The following SP140 variants were observed in gnomAD, a reference collection of about 807,000 sequenced individuals.
SP140 encodes nuclear body protein SP140.
In SP140, 81 loss-of-function variants were observed where a neutral mutation model predicts 125.0. The ratio of observed to expected loss-of-function variants is 0.65; its 90% CI spans 0.54 to 0.78. The LOEUF (loss-of-function observed/expected upper bound fraction) is 0.78, where lower values mean the gene tolerates loss of function less well. Among genes scored for constraint, SP140 ranks in the 30% least tolerant of loss-of-function variants. The probability of loss-of-function intolerance (pLI) is 0.00; values close to 1 mark genes in which losing one functional copy is unlikely to be tolerated. For missense variants in SP140, 858 were observed against 1,037.0 expected, an observed-to-expected ratio of 0.83 and a Z score of 2.37; for synonymous variants, 312 against 354.0, an observed-to-expected ratio of 0.88 and a Z score of 1.33.
intron 5 of SP140, 119 bp downstream of exon 5, chr2:230,243,930 G>A: frequency 1.5e-6 from 1 of 677,172 alleles, no homozygotes; most frequent in Admixed American, 2.5e-5. Context: ...GATCCATTTT[G>A]TCCTTGGATC....
In SP140 at chr2:230,287,969, A is replaced by G. The variant is rs757725211; in HGVS notation, c.1720+3A>G. 1 of 1,608,792 alleles carries G rather than the reference A, an allele frequency of 6.2e-7. No individual in the cohort carries two copies. Among genetic ancestry groups the G allele is most frequent in the Non-Finnish European group, 8.5e-7 (1 of 1,177,764 alleles). ...ACAGAAAAGAGTCCGATCAAGAGGT[A>G]AAAAAGAAAACAGGAATGAACTTTC... On this transcript the variant is annotated splice_donor_region_variant and intron_variant, in intron 18 of 26. Coordinates refer to ENST00000392045, the MANE Select transcript of SP140 (RefSeq NM_007237.5).
At chr2:230,235,262 C>T (rs770323384) in intron 1 of SP140, among the ~76,000 whole-genome samples, 3 of 152,168 alleles carry the variant, frequency 2.0e-5, no homozygotes, top group Admixed American at 6.5e-5. Context: ...CTGCAGGACA[C>T]GCTGGATCCT....
At chr2:230,207,965 A>G in intron 1 of SP140, 2 of 1,216,828 alleles carry the variant, frequency 1.6e-6, no homozygotes, top group Non-Finnish European at 1.2e-6. Flanking sequence ...TCCAGCCTCC[A>G]GCTTCCTCTT....
chr2:230,247,208 T>C (rs556218292), intron 7 of SP140, among the ~76,000 whole-genome samples: 1 of 152,318 alleles, frequency 6.6e-6, no homozygotes, highest in East Asian at 1.9e-4. Context: ...AATACGTTCA[T>C]GAAGATATCT....
At chr2:230,301,751 G>A (rs1449676919) in intron 22 of SP140, among the ~76,000 whole-genome samples, 1 of 152,102 alleles carries the variant, frequency 6.6e-6, no homozygotes, top group Admixed American at 6.5e-5. Context: ...TCAGGCAACA[G>A]CTAGCATGAT....
intron 15 of SP140, among the ~76,000 whole-genome samples, chr2:230,273,889 C>T (rs541354967): frequency 7.2e-5 from 11 of 152,052 alleles, no homozygotes; most frequent in African/African-American, 1.7e-4. Flanking sequence ...TAAGTGGTAA[C>T]GAAATGATGA....
rs769994256 is a variant in SP140, at chr2:230,294,312, A to G, written c.2010A>G (p.Lys670=). ...LPDPPRIRYR[K]KKRILKSQNN... is the part of the protein sequence containing the mutation. ...ATCCTCCAAGAATACGTTACAGGAAAAAAAAGGTGATTATTACATAGCTTT... is the reference window on the plus strand; with the variant it reads ...ATCCTCCAAGAATACGTTACAGGAAGAAAAAGGTGATTATTACATAGCTTT... Residue 670 remains lysine (K), a synonymous_variant, in exon 21 of 27, where the codon AAA becomes AAG. Transcript: ENST00000392045. 2.5e-6 allele frequency: 4 copies of G among 1,610,638 alleles called. No homozygotes were observed. The Admixed American group carries it at 6.7e-5, about 27-fold the overall frequency.
chr2:230,195,553 C>T, the SP140 span, among the ~76,000 whole-genome samples: 2 of 152,126 alleles, frequency 1.3e-5, no homozygotes, highest in African/African-American at 4.8e-5. Context: ...TGGTCTTGAA[C>T]TCCTGGACTC....
rs368792742 is a variant in SP140 at position 230,251,098 on chromosome 2, A to C, written c.1057+37A>C. The C allele has an allele frequency of 6.2e-5, 96 of 1,560,438 alleles. No individual in the cohort carries two copies. In the African/African-American group the frequency reaches 1.1e-3, roughly 18 times the overall value. ...GAGGATTTCTGGCCCTGGGCTGCAG[A>C]GTGTCAGGAGGTTGAATTTGGAGCT... On this transcript the variant is annotated intron_variant, in intron 10 of 26. Coordinates refer to ENST00000392045, the MANE Select transcript of SP140 (RefSeq NM_007237.5).
intron 22 of SP140, among the ~76,000 whole-genome samples, chr2:230,304,428 A>G (rs2058572927): frequency 6.6e-6 from 1 of 152,212 alleles, no homozygotes; most frequent in African/African-American, 2.4e-5. Flanking sequence ...AGAACCAAAA[A>G]AGAGCTCATG....
the SP140 span, among the ~76,000 whole-genome samples, chr2:230,197,875 C>T: frequency 1.3e-5 from 2 of 152,144 alleles, no homozygotes; most frequent in Non-Finnish European, 2.9e-5. Flanking sequence ...TGGTTTCAAA[C>T]TCCTGGGCTC....
At chr2:230,242,656 C>A (rs930084208) in intron 4 of SP140, among the ~76,000 whole-genome samples, 5 of 152,142 alleles carry the variant, frequency 3.3e-5, no homozygotes, top group African/African-American at 1.2e-4. Flanking sequence ...TCCTCTGCAG[C>A]ACTCTTTCTC....
chr2:230,225,242 G>A (rs572065149), upstream of SP140, among the ~76,000 whole-genome samples: 1 of 152,306 alleles, frequency 6.6e-6, no homozygotes, highest in Non-Finnish European at 1.5e-5. Flanking sequence ...CCCAACCTCA[G>A]CACTTGCCTT....
rs2044449824 is a variant in SP140 at position 230,211,322 on chromosome 2, A to G, written c.-322-2332A>G. 1.4e-6 allele frequency: 1 copy of G among 697,780 alleles called. No homozygotes were observed. The highest frequency in any genetic ancestry group is 1.5e-5 in the South Asian group (1 of 67,102). The allele number at this position is 697,780 out of a possible 1,614,324, so 43.2% of individuals were successfully genotyped here. ...AGAGGTCGGGTCTCCTGCCTGTTCA[A>G]GCTCCCAAGTGCTGGGTGAACTGGA... On this transcript the variant is annotated intron_variant, in intron 1 of 4. Transcript: ENST00000456542. The surrounding 1 kb of genome is among the most constrained non-coding windows in gnomAD (Gnocchi z 4.2).
chr2:230,220,150 G>A (rs2045683222), intron 3 of SP140: 1 of 898,386 alleles, frequency 1.1e-6, no homozygotes, highest in Middle Eastern at 5.8e-4. Flanking sequence ...TGGGGTTTGG[G>A]GGAGGGCGTG....
chr2:230,212,312 T>C lies in SP140; in HGVS notation c.-322-1342T>C, dbSNP rs117260076. Reference sequence around the variant, plus strand: ...CGCATGTTCTCCCTTCACAGTCACCTTGAGCTAAGCGGTATCAGCCCCAGT... The same window carrying C: ...CGCATGTTCTCCCTTCACAGTCACCCTGAGCTAAGCGGTATCAGCCCCAGT... On this transcript the variant is annotated intron_variant, in intron 1 of 4. Coordinates refer to the SP140 transcript ENST00000456542. 1,787 of 1,506,018 alleles carry C rather than the reference T, an allele frequency of 1.2e-3. 31 individuals carry two copies. In the East Asian group the frequency reaches 0.034, roughly 29 times the overall value. 93.3% of individuals were successfully genotyped at this position (1,506,018 alleles called of 1,614,324 possible).
At chr2:230,264,093 C>T (rs2052694242) in intron 12 of SP140, among the ~76,000 whole-genome samples, 1 of 152,046 alleles carries the variant, frequency 6.6e-6, no homozygotes, top group South Asian at 2.1e-4. Context: ...TCTCTTCTTC[C>T]TCAGGAACAC....
At position 230,249,062 on chromosome 2, in the gene SP140, CCTT is replaced by C. The variant is rs1466498827; in HGVS notation, c.976+99_976+101del. On this transcript the variant is annotated intron_variant, in intron 9 of 26. Transcript: ENST00000392045. ...TTCCCTTTCTCCCATCCTACCCTTCCCTTCTTCACATTCGCATACATACAGATG... is the reference window on the plus strand; with the variant it reads ...TTCCCTTTCTCCCATCCTACCCTTCCCTTCACATTCGCATACATACAGATG... The C allele has an allele frequency of 5.6e-6, 5 of 897,070 alleles. No homozygotes were observed. The African/African-American group carries it at 8.5e-5, about 15-fold the overall frequency. 55.6% of individuals were successfully genotyped at this position (897,070 alleles called of 1,614,324 possible).
At chr2:230,203,832 G>T (rs2043455314) in intron 1 of SP140, 1 of 152,132 alleles carries the variant, frequency 6.6e-6, no homozygotes. Context: ...TCTCTGTTGG[G>T]CTGCGGGCAG....
Sources: gnomAD v4.1 joint callset for allele counts (sites outside exome capture counted in the v4.1 genomes callset) on GRCh38, gnomAD v4.1.1 for gene constraint, Gnocchi (gnomAD v3.1) non-coding constraint, MANE v1.5 for transcripts, NCBI Gene and HGNC (gene_info 2026-07-23, HGNC 2026-07-21) for gene names.